Variants in AFDN observed in about 807,000 individuals in gnomAD.
The protein encoded by AFDN is afadin, adherens junction formation factor.
AFDN carries 68 observed loss-of-function variants against 216.6 expected under a neutral mutation model. The ratio of observed to expected loss-of-function variants is 0.31; its 90% CI spans 0.26 to 0.38. The LOEUF is 0.38. AFDN is among the 10% of genes least tolerant of loss of function. The pLI is 1.00. For missense variants in AFDN, 2,136 were observed against 2,342.0 expected (o/e 0.91, Z 1.82); for synonymous variants, 868 against 853.7 (o/e 1.02, Z -0.29).
chr6:167,833,734 C>T (rs1186659215), intron 1 of AFDN, among the ~76,000 whole-genome samples: 1 of 152,078 alleles, frequency 6.6e-6, no homozygotes, highest in Non-Finnish European at 1.5e-5. Context: ...GACTTCGGTT[C>T]TGTATGTTAA....
chr6:167,888,094 C>CT (rs2128326077), intron 6 of AFDN, among the ~76,000 whole-genome samples: 1 of 152,094 alleles, frequency 6.6e-6, no homozygotes, highest in East Asian at 1.9e-4. Context: ...TGACTTGGCT[C>CT]TAAATGTTTG....
intron 16 of AFDN, 54 bp from the exon 17 acceptor site, chr6:167,914,114 T>C (rs1790749656): frequency 2.5e-6 from 4 of 1,591,994 alleles, no homozygotes; most frequent in Non-Finnish European, 3.4e-6. Flanking sequence ...TCCTTTATAT[T>C]TTTATTACTT....
At chr6:167,919,073 T>C (rs1374147187) in intron 21 of AFDN, 140 bp downstream of exon 21, 13 of 712,368 alleles carry the variant, frequency 1.8e-5, no homozygotes, top group Non-Finnish European at 2.8e-5. Context: ...TTCCACTGAC[T>C]TGGAGAAATA....
chr6:167,920,244 A>C (rs1791608960), intron 21 of AFDN, among the ~76,000 whole-genome samples: 1 of 152,054 alleles, frequency 6.6e-6, no homozygotes, highest in African/African-American at 2.4e-5. Context: ...GAGGTTGGGG[A>C]AGGAGGAGGG....
At chr6:167,841,999 TA>T (rs201522661) in intron 1 of AFDN, among the ~76,000 whole-genome samples, 20 of 148,984 alleles carry the variant, frequency 1.3e-4, no homozygotes, top group East Asian at 3.9e-4. Flanking sequence ...GTTTTTTAAT[TA>T]AAAAAAAAAC....
At chr6:167,969,236 A>G (rs1242186504) in intron 33 of AFDN, 38 bp downstream of exon 33, 1 of 1,464,160 alleles carries the variant, frequency 6.8e-7, no homozygotes, top group Non-Finnish European at 9.6e-7. Flanking sequence ...CTTCATCTGT[A>G]CCTGATGAGC....
At chr6:167,861,730 A>G (rs1562567843) in intron 1 of AFDN, among the ~76,000 whole-genome samples, 1 of 152,204 alleles carries the variant, frequency 6.6e-6, no homozygotes, top group Non-Finnish European at 1.5e-5. Context: ...TGCCAGCCAC[A>G]GATGATGCTT....
intron 31 of AFDN, among the ~76,000 whole-genome samples, chr6:167,965,369 G>A (rs1207813083): frequency 6.6e-6 from 1 of 152,170 alleles, no homozygotes; most frequent in Non-Finnish European, 1.5e-5. Flanking sequence ...AAACACAGCA[G>A]TAACAGGTAA....
intron 1 of AFDN, among the ~76,000 whole-genome samples, chr6:167,859,662 G>A (rs1302821872): frequency 1.3e-5 from 2 of 152,114 alleles, no homozygotes. Context: ...AATACAGCCA[G>A]TTGATTGTTA....
chr6:167,864,403 TA>T, intron 1 of AFDN, 147 bp from the exon 2 acceptor site: 1 of 830,756 alleles, frequency 1.2e-6, no homozygotes, highest in Non-Finnish European at 2.1e-6. Flanking sequence ...ACTTGAAGAC[TA>T]AAAACCCATC....
rs1796009542 is a variant in AFDN, at chr6:167,951,743, C to T, written c.4389C>T (p.Pro1463=). 3.1e-6 allele frequency: 5 copies of T among 1,614,140 alleles called. No individual in the cohort carries two copies. The highest frequency in any genetic ancestry group is 2.2e-5 in the East Asian group (1 of 44,868). ...CCTTAAACCCTGCTCCGTTTTCTCC[C>T]CTGACTGCACAGCAGATGAAGCCCG... The part of the protein sequence containing the change: ...TQSLNPAPFS[P]LTAQQMKPEK... The change falls in exon 30 of 34, where the codon CCC becomes CCT. Residue 1463 remains proline, a synonymous_variant. Coordinates refer to ENST00000683244, the MANE Select transcript of AFDN (RefSeq NM_001386888.1). The surrounding 1 kb of genome is among the most constrained non-coding windows in gnomAD (Gnocchi z 7.1).
intron 32 of AFDN, chr6:167,968,413 G>T (rs1400850337): frequency 6.6e-6 from 1 of 152,488 alleles, no homozygotes; most frequent in Non-Finnish European, 1.5e-5. Context: ...AGGTCCTTTT[G>T]TAGAAGAGGA....
At chr6:167,890,823 C>A (rs201847695) in intron 7 of AFDN, 39 bp from the exon 8 acceptor site, 5 of 1,600,690 alleles carry the variant, frequency 3.1e-6, no homozygotes, top group Non-Finnish European at 4.3e-6. Context: ...TCCTGACCAA[C>A]CTGAGTCTGC....
intron 30 of AFDN, among the ~76,000 whole-genome samples, chr6:167,959,082 A>G (rs1382710623): frequency 6.6e-6 from 1 of 152,262 alleles, no homozygotes; most frequent in East Asian, 1.9e-4. Flanking sequence ...GTTGCCCTAA[A>G]AGAACTTCAA....
At chr6:167,902,067 T>A (rs1583337413) in intron 11 of AFDN, among the ~76,000 whole-genome samples, 1 of 133,092 alleles carries the variant, frequency 7.5e-6, no homozygotes, top group South Asian at 2.3e-4. Context: ...TACTCCAGCC[T>A]GGGCAACAGA....
intron 3 of AFDN, among the ~76,000 whole-genome samples, chr6:167,870,997 A>G (rs534823437): frequency 2.6e-5 from 4 of 152,274 alleles, no homozygotes; most frequent in African/African-American, 4.8e-5. Flanking sequence ...CTGTGCTGCT[A>G]TGTTTATTTT....
At chr6:167,856,763 A>G (rs1467906623) in intron 1 of AFDN, among the ~76,000 whole-genome samples, 3 of 152,122 alleles carry the variant, frequency 2.0e-5, no homozygotes, top group Non-Finnish European at 4.4e-5. Context: ...TGAATACCAG[A>G]CAAGGCTAAA....
Position 167,874,612 on chromosome 6 carries a change from T to A in AFDN, c.579-723T>A, listed in dbSNP as rs1189185167. 8.7e-5 allele frequency among the ~76,000 whole-genome samples: 6 copies of A among 69,294 alleles called. No individual in the cohort carries two copies. The East Asian group carries it at 6.7e-3, about 77-fold the overall frequency. The allele number at this position is 69,294 out of a possible 152,430, so 45.5% of individuals were successfully genotyped here. ...TGGGCTTTTCAAAATTTGCTATAAT[T>A]TTTTTTTTTTTTTTTTTTTTGAGAT... On this transcript the variant is annotated intron_variant, in intron 4 of 33. Transcript: ENST00000683244.
At chr6:167,859,665 G>A (rs1406452763) in intron 1 of AFDN, among the ~76,000 whole-genome samples, 1 of 152,076 alleles carries the variant, frequency 6.6e-6, no homozygotes, top group African/African-American at 2.4e-5. Flanking sequence ...ACAGCCAGTT[G>A]ATTGTTAGTT....
Sources: allele counts gnomAD v4.1 joint callset (sites outside exome capture counted in the v4.1 genomes callset), GRCh38; gene constraint gnomAD v4.1.1; non-coding constraint Gnocchi (gnomAD v3.1); transcripts MANE v1.5; gene names NCBI Gene and HGNC (gene_info 2026-07-23, HGNC 2026-07-21).